Variants in C14orf93 observed in about 807,000 individuals in gnomAD.
C14orf93 encodes the protein chromosome 14 open reading frame 93.
A neutral mutation model predicts 44.0 loss-of-function variants in C14orf93; 23 were observed. That is an observed-to-expected ratio of 0.52 (90% CI 0.38 to 0.74). The LOEUF (loss-of-function observed/expected upper bound fraction) is 0.74. Ranked by LOEUF, C14orf93 falls within the 30% of genes least tolerant of loss-of-function variation. The pLI is 0.00. For synonymous variants in C14orf93, 253 were observed against 265.7 expected (o/e 0.95, Z 0.46); for missense variants, 579 against 678.9 (o/e 0.85, Z 1.64).
Position 23,001,839 on chromosome 14 carries a change from TAAAAA to T in C14orf93, c.-379-2442_-379-2438del, listed in dbSNP as rs780256403. Among the ~76,000 whole-genome samples, 156 of 59,582 alleles carry T rather than the reference TAAAAA, an allele frequency of 2.6e-3. 1 individual carries two copies. Among genetic ancestry groups the T allele is most frequent in the African/African-American group, 0.011 (147 of 13,462 alleles). The allele number at this position is 59,582 out of a possible 152,430, so 39.1% of individuals were successfully genotyped here. On this transcript the variant is annotated intron_variant, in intron 1 of 6. Transcript: ENST00000299088. The stretch of plus-strand genomic sequence containing the variant: ...TCCAAAACAGCACTGTACTGCAGGT[TAAAAA>T]AAAAAAAAAAAAAAAAAAAAAAAGG...
At chr14:22,998,312 T>A in intron 2 of C14orf93, 115 bp downstream of exon 2, 1 of 1,375,404 alleles carries the variant, frequency 7.3e-7, no homozygotes, top group Non-Finnish European at 9.6e-7. Context: ...ACTGTTTTGC[T>A]TTATCACAAA....
At chr14:22,995,528 A>G (rs2045914654) in intron 3 of C14orf93, among the ~76,000 whole-genome samples, 1 of 152,014 alleles carries the variant, frequency 6.6e-6, no homozygotes, top group African/African-American at 2.4e-5. Flanking sequence ...GAAAATTCAA[A>G]AATTAGCTGG....
chr14:22,998,857 T>C lies in C14orf93; in HGVS notation c.167A>G (p.Gln56Arg). The part of the protein sequence containing the change: ...ITVTGHGLAV[Q>R]SSEQLLHVIY... ...AACATGCAGGAGCTGCTCTGAGCTC[T>C]GAACAGCCAAGCCATGTCCAGTCAC... The change falls in exon 2 of 7, where the codon CAG becomes CGG. Residue 56 changes from glutamine (Q) to arginine (R), a missense_variant. Coordinates refer to ENST00000299088, the MANE Select transcript of C14orf93 (RefSeq NM_021944.4). 6.2e-7 allele frequency: 1 copy of C among 1,614,102 alleles called. No homozygotes were observed. The highest frequency in any genetic ancestry group is 8.5e-7 in the Non-Finnish European group (1 of 1,180,022).
intron 1 of C14orf93, chr14:23,005,435 C>G (rs1418859332): frequency 6.6e-6 from 1 of 152,030 alleles, no homozygotes; most frequent in South Asian, 2.1e-4. Context: ...TTGAGACCAA[C>G]CTCGGCAGCA....
rs1291305653 is a variant in C14orf93 at position 22,986,480 on chromosome 14, C to G, written c.*735G>C. 3 of 152,274 alleles carry G rather than the reference C, an allele frequency of 2.0e-5. No individual in the cohort carries two copies. The highest frequency in any genetic ancestry group is 4.4e-5 in the Non-Finnish European group (3 of 68,114). 9.4% of individuals were successfully genotyped at this position (152,274 alleles called of 1,614,324 possible). ...TTCAATCCATCCAAAATGCACACCC[C>G]TTCCTCAAAATACAGCTTGGCTGAC... On this transcript the variant is annotated 3_prime_UTR_variant, in exon 7 of 7. Coordinates refer to ENST00000299088, the MANE Select transcript of C14orf93 (RefSeq NM_021944.4).
At chr14:22,988,728 C>T (rs544251670) in intron 5 of C14orf93, among the ~76,000 whole-genome samples, 1 of 152,226 alleles carries the variant, frequency 6.6e-6, no homozygotes, top group Admixed American at 6.5e-5. Context: ...CCAAATATCT[C>T]CCACTGGAAA....
At chr14:23,000,790 T>C (rs1432909733) in intron 1 of C14orf93, among the ~76,000 whole-genome samples, 1 of 152,132 alleles carries the variant, frequency 6.6e-6, no homozygotes, top group Admixed American at 6.6e-5. Flanking sequence ...TTTTTCTTTT[T>C]GAATAGGCAA....
chr14:22,992,571 A>T (rs542034833), intron 3 of C14orf93, among the ~76,000 whole-genome samples: 3 of 148,576 alleles, frequency 2.0e-5, no homozygotes, highest in East Asian at 2.0e-4. Context: ...TTATTTATTT[A>T]TTTATTTTTA....
intron 1 of C14orf93, among the ~76,000 whole-genome samples, chr14:23,000,593 G>A (rs1425517524): frequency 6.6e-6 from 1 of 151,480 alleles, no homozygotes; most frequent in African/African-American, 2.4e-5. Flanking sequence ...GCGGGCATCT[G>A]TAACCCCAGC....
intron 4 of C14orf93, 22 bp from the exon 5 acceptor site, chr14:22,989,867 G>T: frequency 1.3e-6 from 2 of 1,598,506 alleles, no homozygotes; most frequent in South Asian, 1.1e-5. Flanking sequence ...AGAAGAGAAT[G>T]AATAAAGTTG....
At chr14:22,994,026 G>A (rs2045818949) in intron 3 of C14orf93, 1 of 152,248 alleles carries the variant, frequency 6.6e-6, no homozygotes, top group African/African-American at 2.4e-5. Context: ...ATGATGGTGA[G>A]TGAGGATACT....
intron 1 of C14orf93, among the ~76,000 whole-genome samples, chr14:23,004,002 C>G (rs2046495901): frequency 7.3e-6 from 1 of 137,184 alleles, no homozygotes; most frequent in African/African-American, 2.7e-5. Context: ...CTCCACCTCC[C>G]AGGTTCAAGC....
chr14:22,995,712 G>C (rs543339951), intron 3 of C14orf93, among the ~76,000 whole-genome samples: 2 of 149,806 alleles, frequency 1.3e-5, no homozygotes, highest in Non-Finnish European at 3.0e-5. Flanking sequence ...AAGAACACCA[G>C]GAGATGTGAT....
rs1171203749 is a variant in C14orf93, at chr14:22,998,980, C to G, written c.44G>C (p.Ser15Thr). ...GGCGCAGCAGCAGCATCTGGCCTCG[C>G]TGCCACTGGGAGGGGAGAAGAGAAT... ...ATILFSPPSG[S>T]EARCCCCACK... The change falls in exon 2 of 7, where the codon AGC becomes ACC. Residue 15 changes from serine (S) to threonine (T), a missense_variant. Physicochemically the swap from Ser to Thr is moderately conservative, Grantham distance 58. Transcript: ENST00000299088. 6.2e-7 allele frequency: 1 copy of G among 1,613,352 alleles called. No homozygotes were observed. The highest frequency in any genetic ancestry group is 1.7e-5 in the Admixed American group (1 of 60,018).
Position 22,998,534 on chromosome 14 carries a change from C to T in C14orf93, c.490G>A (p.Ala164Thr). 1.2e-6 allele frequency: 2 copies of T among 1,613,596 alleles called. No homozygotes were observed. The highest frequency in any genetic ancestry group is 1.7e-6 in the Non-Finnish European group (2 of 1,179,880). Residue 164 changes from alanine to threonine, a missense_variant, in exon 2 of 7, where the codon GCA becomes ACA. Ala to Thr is a moderately conservative substitution (Grantham distance 58). Coordinates refer to ENST00000299088, the MANE Select transcript of C14orf93 (RefSeq NM_021944.4). ...VVIEELRQLG[A>T]ASVGPGPLGF... ...AAAGGCCCAGGCCCCACTGAGGCTG[C>T]TCCCAGCTGCCGCAGCTCCTCAATC... is the stretch of plus-strand genomic sequence containing the variant.
intron 1 of C14orf93, among the ~76,000 whole-genome samples, chr14:23,008,045 C>T (rs2046717717): frequency 6.6e-6 from 1 of 150,466 alleles, no homozygotes; most frequent in African/African-American, 2.4e-5. Context: ...CCCAGCTACT[C>T]GGGAGGCCGA....
chr14:23,006,255 C>G (rs1302080036), intron 1 of C14orf93: 1 of 152,160 alleles, frequency 6.6e-6, no homozygotes, highest in African/African-American at 2.4e-5. Flanking sequence ...TCTCTCAAAA[C>G]CTATTTTTAT....
chr14:22,987,107 G>A lies in C14orf93; in HGVS notation c.*108C>T, dbSNP rs1161715691. ...CTGTGTTAAGAAAAGAGGCAAATTTGCTTTCTCAGACTGCACAGAGCATCT... is the reference window on the plus strand; with the variant it reads ...CTGTGTTAAGAAAAGAGGCAAATTTACTTTCTCAGACTGCACAGAGCATCT... On this transcript the variant is annotated 3_prime_UTR_variant, in exon 7 of 7. Coordinates refer to ENST00000299088, the MANE Select transcript of C14orf93 (RefSeq NM_021944.4). This position sits in a 1 kb window ranked among gnomAD's most constrained non-coding sequence, Gnocchi z 5.6. 1 of 1,240,000 alleles carries A rather than the reference G, an allele frequency of 8.1e-7. No individual in the cohort carries two copies. Among genetic ancestry groups the A allele is most frequent in the African/African-American group, 1.5e-5 (1 of 65,420 alleles). 76.8% of individuals were successfully genotyped at this position (1,240,000 alleles called of 1,614,324 possible). A position where few individuals can be genotyped will look rare whatever the true frequency, so the allele number is the denominator to read the frequency against.
intron 3 of C14orf93, 85 bp downstream of exon 3, chr14:22,995,863 T>C (rs1419309363): frequency 2.1e-5 from 28 of 1,304,758 alleles, no homozygotes; most frequent in Non-Finnish European, 2.9e-5. Context: ...TCATTCAATA[T>C]GGGAGGCCTA....
Sources: gnomAD v4.1 joint callset for allele counts (sites outside exome capture counted in the v4.1 genomes callset) on GRCh38, gnomAD v4.1.1 for gene constraint, Gnocchi (gnomAD v3.1) non-coding constraint, MANE v1.5 for transcripts, NCBI Gene and HGNC (gene_info 2026-07-23, HGNC 2026-07-21) for gene names.